The following RHBDD1 variants were observed in gnomAD, a reference collection of about 807,000 sequenced individuals.
RHBDD1 encodes the protein rhomboid-related protein 4.
In RHBDD1, 38 loss-of-function variants were observed where a neutral mutation model predicts 36.3. The ratio of observed to expected loss-of-function variants is 1.05; its 90% CI spans 0.81 to 1.37. The LOEUF is 1.37. Ranked by LOEUF, RHBDD1 falls within the 40% of genes most tolerant of loss-of-function variation. The pLI is 0.00. For synonymous variants in RHBDD1, 151 were observed against 136.5 expected, an observed-to-expected ratio of 1.11 and a Z score of -0.74; for missense variants, 393 against 377.6, an observed-to-expected ratio of 1.04 and a Z score of -0.34.
intron 8 of RHBDD1, among the ~76,000 whole-genome samples, chr2:226,918,372 A>T (rs1168793803): frequency 6.6e-6 from 1 of 151,984 alleles, no homozygotes; most frequent in Non-Finnish European, 1.5e-5. Flanking sequence ...ACAAAAAAAA[A>T]TTGTTGACTC....
chr2:226,995,053 T>C (rs562100578), intron 8 of RHBDD1, among the ~76,000 whole-genome samples: 180 of 151,840 alleles, frequency 1.2e-3, no homozygotes, highest in African/African-American at 4.2e-3. Context: ...ACCAGCCTAG[T>C]TGGTGGGGAA....
At chr2:226,957,614 C>T (rs892250788) in intron 8 of RHBDD1, among the ~76,000 whole-genome samples, 3 of 151,906 alleles carry the variant, frequency 2.0e-5, no homozygotes, top group Admixed American at 6.6e-5. Context: ...AAAAGATCAT[C>T]ACAGATTAGG....
At chr2:226,834,195 GTAGAGAGTGATGGAGAA>G (rs2124872351), upstream of RHBDD1, among the ~76,000 whole-genome samples, 1 of 152,336 alleles carries the variant, frequency 6.6e-6, no homozygotes, top group African/African-American at 2.4e-5. Context: ...ATAGAAAGAT[GTAGAGAGTGATGGAGAA>G]TAGAAGATAA....
At chr2:226,890,502 C>T (rs1009133387) in intron 5 of RHBDD1, among the ~76,000 whole-genome samples, 1 of 152,134 alleles carries the variant, frequency 6.6e-6, no homozygotes, top group Non-Finnish European at 1.5e-5. Context: ...TCCTCCATTC[C>T]ACCTGTGGTC....
chr2:226,907,144 T>C (rs1948122054), intron 6 of RHBDD1: 2 of 520,350 alleles, frequency 3.8e-6, no homozygotes, highest in Non-Finnish European at 6.9e-6. Flanking sequence ...ACCTTAATGC[T>C]ACCCGCAGAA....
At chr2:226,977,157 GC>G (rs1439815123) in intron 8 of RHBDD1, among the ~76,000 whole-genome samples, 1 of 152,154 alleles carries the variant, frequency 6.6e-6, no homozygotes, top group African/African-American at 2.4e-5. Flanking sequence ...GGAACTTGAG[GC>G]CCAGAGAAGT....
intron 5 of RHBDD1, among the ~76,000 whole-genome samples, chr2:226,878,473 G>A (rs1387742209): frequency 1.3e-5 from 2 of 152,308 alleles, no homozygotes; most frequent in East Asian, 1.9e-4. Context: ...CCAGTGTTAA[G>A]TATCACATTG....
chr2:226,804,285 T>A, the RHBDD1 span: 1 of 152,210 alleles, frequency 6.6e-6, no homozygotes, highest in Admixed American at 6.5e-5. Flanking sequence ...TAGGGAAGGA[T>A]GGGCCCCCCA....
intron 8 of RHBDD1, among the ~76,000 whole-genome samples, chr2:226,961,085 T>G (rs1952161188): frequency 6.6e-6 from 1 of 152,138 alleles, no homozygotes; most frequent in African/African-American, 2.4e-5. Context: ...GAATCTGTAT[T>G]CCCCTCAGTC....
intron 8 of RHBDD1, among the ~76,000 whole-genome samples, chr2:226,917,473 A>T (rs946014930): frequency 6.6e-6 from 1 of 152,090 alleles, no homozygotes; most frequent in Non-Finnish European, 1.5e-5. Context: ...TGAGAAGAGT[A>T]TTTCTGGGAT....
At chr2:226,980,509 C>G (rs988642043) in intron 8 of RHBDD1, among the ~76,000 whole-genome samples, 3 of 152,208 alleles carry the variant, frequency 2.0e-5, no homozygotes, top group Middle Eastern at 3.4e-3. Flanking sequence ...CTGACATGAG[C>G]AAGTCAGATC....
chr2:226,967,917 G>C (rs1209061708), intron 8 of RHBDD1, among the ~76,000 whole-genome samples: 1 of 152,134 alleles, frequency 6.6e-6, no homozygotes, highest in African/African-American at 2.4e-5. Context: ...TCTGTAACCT[G>C]TTGGTAGGTG....
chr2:226,845,719 A>T (rs1486132732), intron 3 of RHBDD1, among the ~76,000 whole-genome samples: 1 of 152,236 alleles, frequency 6.6e-6, no homozygotes, highest in East Asian at 1.9e-4. Context: ...TATGTCTTAG[A>T]GCAGCCTGAC....
At chr2:226,973,822 G>A (rs72967782) in intron 8 of RHBDD1, among the ~76,000 whole-genome samples, 7,684 of 152,260 alleles carry the variant, frequency 0.05, 213 homozygotes, top group Admixed American at 0.078. Context: ...TCCTGTGAGC[G>A]TTAGAACAAC....
intron 8 of RHBDD1, among the ~76,000 whole-genome samples, chr2:226,938,982 A>G (rs1950512202): frequency 2.0e-5 from 3 of 152,176 alleles, no homozygotes; most frequent in African/African-American, 7.2e-5. Flanking sequence ...ACATTTGCAA[A>G]TCAATAAACA....
At chr2:226,929,935 A>C (rs1414570688) in intron 8 of RHBDD1, among the ~76,000 whole-genome samples, 1 of 152,024 alleles carries the variant, frequency 6.6e-6, no homozygotes, top group Non-Finnish European at 1.5e-5. Flanking sequence ...ACAAAACAAA[A>C]CAAACTGGGG....
the RHBDD1 span, among the ~76,000 whole-genome samples, chr2:226,819,977 GTTTT>G: frequency 0.15 from 17,351 of 118,576 alleles, 1,603 homozygotes; most frequent in African/African-American, 0.3. Context: ...TATTGTGTGT[GTTTT>G]TTTTTTTTTT....
chr2:226,912,137 A>G (rs1207513692), intron 7 of RHBDD1, among the ~76,000 whole-genome samples: 1 of 152,190 alleles, frequency 6.6e-6, no homozygotes, highest in Non-Finnish European at 1.5e-5. Flanking sequence ...ATTATTAGTC[A>G]TCAAAACCAC....
intron 3 of RHBDD1, among the ~76,000 whole-genome samples, chr2:226,862,824 C>T (rs1413540603): frequency 3.9e-5 from 6 of 152,134 alleles, no homozygotes; most frequent in South Asian, 2.1e-4. Context: ...TTTCCATTTG[C>T]GGTGAAAGGT....
Sources: allele counts gnomAD v4.1 joint callset (sites outside exome capture counted in the v4.1 genomes callset), GRCh38; gene constraint gnomAD v4.1.1; transcripts MANE v1.5; gene names NCBI Gene and HGNC (gene_info 2026-07-23, HGNC 2026-07-21).